FRAS1: variants seen among roughly 807,000 people sequenced by gnomAD.
The protein encoded by FRAS1 is extracellular matrix organizing protein FRAS1.
FRAS1 carries 290 observed loss-of-function variants against 435.2 expected under a neutral mutation model. The ratio of observed to expected loss-of-function variants is 0.67; its 90% CI spans 0.61 to 0.73. FRAS1 has a LOEUF of 0.73. Among genes scored for constraint, FRAS1 ranks in the 30% least tolerant of loss-of-function variants. FRAS1 has a pLI of 0.00. For missense variants in FRAS1, 4,860 were observed against 5,001.5 expected, an observed-to-expected ratio of 0.97 and a Z score of 0.85; for synonymous variants, 1,800 against 1,851.0, an observed-to-expected ratio of 0.97 and a Z score of 0.71.
Position 78,475,611 on chromosome 4 carries a change from G to GT in FRAS1, c.7851+6dup, listed in dbSNP as rs754571051. On this transcript the variant is annotated splice_donor_region_variant and intron_variant, in intron 54 of 73. Coordinates refer to ENST00000512123, the MANE Select transcript of FRAS1 (RefSeq NM_025074.7). ...TATGTAGAGTATGCTGGCCAGGTAG[G>GT]TGGGGTAGTGGGGTTGGGGGAGGCT... 11 of 1,545,636 alleles carry GT rather than the reference G, an allele frequency of 7.1e-6. No homozygotes were observed. In the East Asian group the frequency reaches 2.5e-4, roughly 36 times the overall value.
At chr4:78,133,506 A>G (rs1719776294) in intron 2 of FRAS1, among the ~76,000 whole-genome samples, 1 of 152,148 alleles carries the variant, frequency 6.6e-6, no homozygotes, top group South Asian at 2.1e-4. Flanking sequence ...TGCATCTTAA[A>G]ATAACTAAAA....
chr4:78,267,344 G>A lies in FRAS1; in HGVS notation c.893G>A (p.Trp298Ter), dbSNP rs1726415228. Residue 298 changes from tryptophan (W) to a stop codon, truncating the protein, a stop_gained, in exon 9 of 74, where the codon TGG becomes TAG. Transcript: ENST00000512123. LOFTEE classifies it high-confidence loss of function. ...GTTGTGCGGTACCAGGACGAAATGT[G>A]GAAGGGCTCGGCCTGTGAGTTCTGC... ...DGVVRYQDEM[W>*]KGSACEFCMC... 1 of 1,613,834 alleles carries A rather than the reference G, an allele frequency of 6.2e-7. No homozygotes were observed. Among genetic ancestry groups the A allele is most frequent in the South Asian group, 1.1e-5 (1 of 90,998 alleles).
chr4:78,158,469 C>T (rs1010618404), intron 2 of FRAS1, among the ~76,000 whole-genome samples: 4 of 151,828 alleles, frequency 2.6e-5, no homozygotes, highest in East Asian at 3.9e-4. Flanking sequence ...ATTGCATTCT[C>T]GATTTGACTC....
chr4:78,383,695 A>G (rs1732109783), intron 27 of FRAS1, among the ~76,000 whole-genome samples: 1 of 152,212 alleles, frequency 6.6e-6, no homozygotes, highest in Non-Finnish European at 1.5e-5. Flanking sequence ...CTGGTCAGAG[A>G]CTATAAAAGA....
At chr4:78,077,002 A>G (rs912884714) in intron 2 of FRAS1, among the ~76,000 whole-genome samples, 1 of 152,218 alleles carries the variant, frequency 6.6e-6, no homozygotes, top group African/African-American at 2.4e-5. Context: ...AGCTGTTTTT[A>G]TGCGAACTTA....
At chr4:78,081,695 A>G (rs1197041049) in intron 2 of FRAS1, among the ~76,000 whole-genome samples, 1 of 152,122 alleles carries the variant, frequency 6.6e-6, no homozygotes, top group Non-Finnish European at 1.5e-5. Flanking sequence ...CTAGAGATAG[A>G]ATCTGGGAGC....
chr4:78,084,627 A>G (rs893825320), intron 2 of FRAS1, among the ~76,000 whole-genome samples: 1 of 152,100 alleles, frequency 6.6e-6, no homozygotes, highest in African/African-American at 2.4e-5. Context: ...TCCTTTAAAC[A>G]TGATCCCAGT....
At chr4:78,421,153 A>G (rs1285368456) in intron 33 of FRAS1, among the ~76,000 whole-genome samples, 2 of 151,682 alleles carry the variant, frequency 1.3e-5, no homozygotes, top group South Asian at 2.1e-4. Flanking sequence ...TTTAATTTAT[A>G]TATTTATTTT....
intron 30 of FRAS1, among the ~76,000 whole-genome samples, chr4:78,406,696 C>A (rs1733109694): frequency 6.6e-6 from 1 of 152,132 alleles, no homozygotes; most frequent in East Asian, 1.9e-4. Flanking sequence ...ACCTGTAAAG[C>A]ATATACTATT....
intron 29 of FRAS1, among the ~76,000 whole-genome samples, chr4:78,395,058 A>G (rs1355362480): frequency 6.6e-6 from 1 of 151,858 alleles, no homozygotes; most frequent in Non-Finnish European, 1.5e-5. Context: ...ATTTTACTGA[A>G]TTTGTTTATT....
intron 63 of FRAS1, among the ~76,000 whole-genome samples, chr4:78,510,619 G>A (rs1721005248): frequency 6.6e-6 from 1 of 152,312 alleles, no homozygotes; most frequent in Admixed American, 6.5e-5. Context: ...ATAACCTAAA[G>A]AGTCCTGGTG....
At chr4:78,369,102 A>G (rs1267538922) in intron 22 of FRAS1, among the ~76,000 whole-genome samples, 1 of 152,184 alleles carries the variant, frequency 6.6e-6, no homozygotes, top group Non-Finnish European at 1.5e-5. Flanking sequence ...AAATATTGGC[A>G]TTTGTGGATA....
intron 2 of FRAS1, among the ~76,000 whole-genome samples, chr4:78,135,852 A>G (rs1373410531): frequency 1.3e-5 from 2 of 152,162 alleles, no homozygotes; most frequent in Non-Finnish European, 2.9e-5. Context: ...TGCAATAGTC[A>G]TGTTCTATAA....
chr4:78,130,513 CT>C (rs1323735412), intron 2 of FRAS1, among the ~76,000 whole-genome samples: 1 of 152,106 alleles, frequency 6.6e-6, no homozygotes, highest in Non-Finnish European at 1.5e-5. Context: ...CCAGAATCAA[CT>C]TTTTCCCCCC....
chr4:78,368,999 A>G (rs1731389117), intron 22 of FRAS1, among the ~76,000 whole-genome samples: 1 of 152,232 alleles, frequency 6.6e-6, no homozygotes, highest in Admixed American at 6.5e-5. Context: ...TGGTGGATGC[A>G]TGGAAAATGG....
At chr4:78,353,854 C>G (rs1448781506) in intron 20 of FRAS1, among the ~76,000 whole-genome samples, 3 of 10,712 alleles carry the variant, frequency 2.8e-4, no homozygotes, top group Middle Eastern at 0.026. Flanking sequence ...GTGGTGGGGT[C>G]AGGGGAGGGG....
At chr4:78,062,767 C>G (rs1414317123) in intron 1 of FRAS1, among the ~76,000 whole-genome samples, 3 of 152,120 alleles carry the variant, frequency 2.0e-5, no homozygotes, top group Non-Finnish European at 4.4e-5. Flanking sequence ...AGAAATGAGC[C>G]AGCCACACAG....
At chr4:78,296,323 C>T (rs1427174788) in intron 14 of FRAS1, among the ~76,000 whole-genome samples, 5 of 151,862 alleles carry the variant, frequency 3.3e-5, no homozygotes, top group Non-Finnish European at 7.4e-5. Flanking sequence ...ACCAGACATT[C>T]CCATTTCAGG....
At chr4:78,231,888 A>G (rs556076575) in intron 2 of FRAS1, among the ~76,000 whole-genome samples, 1 of 152,270 alleles carries the variant, frequency 6.6e-6, no homozygotes, top group Admixed American at 6.5e-5. Flanking sequence ...AAAGCTGTTT[A>G]CAAAGATATT....
Sources: allele counts gnomAD v4.1 joint callset (sites outside exome capture counted in the v4.1 genomes callset), GRCh38; gene constraint gnomAD v4.1.1; transcripts MANE v1.5; gene names NCBI Gene and HGNC (gene_info 2026-07-23, HGNC 2026-07-21).